Variants in CCDC192 observed in about 807,000 individuals in gnomAD.
CCDC192 encodes the protein coiled-coil domain containing 192, also known as coiled-coil domain-containing protein 192.
intron 3 of CCDC192, among the ~76,000 whole-genome samples, chr5:127,766,153 G>A (rs1755212670): frequency 6.6e-6 from 1 of 152,168 alleles, no homozygotes; most frequent in Admixed American, 6.5e-5. Flanking sequence ...TGGTTTAAGG[G>A]AGGAAAGGGT....
At chr5:127,814,020 G>T (rs896341689) in intron 5 of CCDC192, among the ~76,000 whole-genome samples, 2 of 152,112 alleles carry the variant, frequency 1.3e-5, no homozygotes, top group African/African-American at 2.4e-5. Flanking sequence ...CATCCTTCAG[G>T]CTTAGTGGGT....
intron 3 of CCDC192, among the ~76,000 whole-genome samples, chr5:127,780,881 G>A (rs921305566): frequency 1.4e-4 from 21 of 152,136 alleles, no homozygotes; most frequent in African/African-American, 4.3e-4. Context: ...TGGGTTCTTG[G>A]TCATGAAATC....
At chr5:127,788,083 G>GAAAAAA (rs60238996) in intron 3 of CCDC192, among the ~76,000 whole-genome samples, 1 of 94,644 alleles carries the variant, frequency 1.1e-5, no homozygotes, top group Non-Finnish European at 2.1e-5. Flanking sequence ...CTTCACCTCA[G>GAAAAAA]AAAAAAAAAA....
chr5:127,808,915 G>T (rs541310076), intron 5 of CCDC192, among the ~76,000 whole-genome samples: 7 of 152,104 alleles, frequency 4.6e-5, no homozygotes, highest in Non-Finnish European at 1.0e-4. Flanking sequence ...CATATACCTG[G>T]ATTTAATGTT....
intron 2 of CCDC192, among the ~76,000 whole-genome samples, chr5:127,734,834 G>A (rs1409052873): frequency 2.6e-5 from 4 of 151,788 alleles, no homozygotes; most frequent in African/African-American, 9.7e-5. Context: ...TTAGCCCTTT[G>A]TCAGATGAGT....
At chr5:127,843,341 AG>A (rs1422759686) in intron 5 of CCDC192, among the ~76,000 whole-genome samples, 3 of 151,464 alleles carry the variant, frequency 2.0e-5, no homozygotes, top group Non-Finnish European at 2.9e-5. Context: ...GCCAGCCAAA[AG>A]TTTTTTTTTT....
rs137915024 is a variant in CCDC192 at position 127,771,587 on chromosome 5, G to A, written c.222+17212G>A. ...ATGCAGAAGTGGATTGGGGGGTAGG[G>A]TACAGAAATTACAGGAGCAAAGGCT... On this transcript the variant is annotated intron_variant, in intron 3 of 6. Coordinates refer to ENST00000514853, the MANE Select transcript of CCDC192 (RefSeq NM_001317938.2). Among the ~76,000 whole-genome samples, 3 of 152,292 alleles carry A rather than the reference G, an allele frequency of 2.0e-5. No individual in the cohort carries two copies. In the East Asian group the frequency reaches 5.8e-4, roughly 29 times the overall value.
At chr5:127,799,755 A>G (rs1561495288) in intron 5 of CCDC192, among the ~76,000 whole-genome samples, 1 of 152,086 alleles carries the variant, frequency 6.6e-6, no homozygotes, top group Non-Finnish European at 1.5e-5. Context: ...ACTGCTTGAG[A>G]CTTGTCTGAA....
chr5:127,823,560 A>G (rs1481715431), intron 5 of CCDC192, among the ~76,000 whole-genome samples: 2 of 152,196 alleles, frequency 1.3e-5, no homozygotes, highest in Non-Finnish European at 2.9e-5. Context: ...AAACTCTACT[A>G]GGCCAGCTTT....
intron 5 of CCDC192, among the ~76,000 whole-genome samples, chr5:127,843,762 A>G (rs1269861972): frequency 6.6e-6 from 1 of 152,186 alleles, no homozygotes; most frequent in African/African-American, 2.4e-5. Flanking sequence ...TGACTTAGCC[A>G]GAGGCAAGAA....
intron 5 of CCDC192, among the ~76,000 whole-genome samples, chr5:127,863,842 A>C (rs1280802394): frequency 6.6e-6 from 1 of 152,244 alleles, no homozygotes; most frequent in East Asian, 1.9e-4. Flanking sequence ...AGTAGAGGTC[A>C]CTTTCAACTT....
At chr5:127,766,797 A>C (rs1451709096) in intron 3 of CCDC192, among the ~76,000 whole-genome samples, 1 of 151,866 alleles carries the variant, frequency 6.6e-6, no homozygotes, top group Non-Finnish European at 1.5e-5. Context: ...TCTCATCTTG[A>C]GTATTCTGTG....
chr5:127,871,134 T>C (rs932453672), intron 5 of CCDC192, among the ~76,000 whole-genome samples: 20 of 152,210 alleles, frequency 1.3e-4, no homozygotes, highest in Non-Finnish European at 2.9e-4. Flanking sequence ...CCTCACATCA[T>C]TACACGCAGG....
At chr5:127,748,910 GT>G (rs1753949964) in intron 2 of CCDC192, among the ~76,000 whole-genome samples, 1 of 151,566 alleles carries the variant, frequency 6.6e-6, no homozygotes, top group Non-Finnish European at 1.5e-5. Context: ...CTCTCTGTTT[GT>G]CTGTTGTTGG....
chr5:127,707,828 T>C (rs1751059832), intron 2 of CCDC192, 68 bp downstream of exon 2: 2 of 395,198 alleles, frequency 5.1e-6, no homozygotes, highest in Admixed American at 4.4e-5. Flanking sequence ...ACTAACTTCT[T>C]TAATTAATAT....
At chr5:127,736,141 G>A (rs1752974382) in intron 2 of CCDC192, among the ~76,000 whole-genome samples, 1 of 55,400 alleles carries the variant, frequency 1.8e-5, no homozygotes, top group Admixed American at 2.5e-4. Context: ...AGCATGAAGG[G>A]TTGTTGAATT....
intron 5 of CCDC192, among the ~76,000 whole-genome samples, chr5:127,863,438 G>C (rs1404224794): frequency 2.0e-5 from 3 of 152,184 alleles, no homozygotes; most frequent in African/African-American, 7.2e-5. Context: ...ATCATGCCAA[G>C]TTAAATAAGT....
intron 3 of CCDC192, among the ~76,000 whole-genome samples, chr5:127,772,819 G>T (rs1478129658): frequency 6.6e-6 from 1 of 152,144 alleles, no homozygotes; most frequent in Non-Finnish European, 1.5e-5. Context: ...GCTAATCCAA[G>T]TTGGGTTTTA....
At chr5:127,905,610 T>C (rs1753172808) in intron 6 of CCDC192, among the ~76,000 whole-genome samples, 2 of 152,180 alleles carry the variant, frequency 1.3e-5, no homozygotes, top group Admixed American at 6.5e-5. Flanking sequence ...AAGATACTAA[T>C]ACACTTTAGC....
Sources: allele counts gnomAD v4.1 joint callset (sites outside exome capture counted in the v4.1 genomes callset), GRCh38; gene constraint gnomAD v4.1.1; transcripts MANE v1.5; gene names NCBI Gene and HGNC (gene_info 2026-07-23, HGNC 2026-07-21).